TMEM114: variants seen among roughly 807,000 people sequenced by gnomAD.
The protein encoded by TMEM114 is transmembrane protein 114.
A neutral mutation model predicts 6.2 loss-of-function variants in TMEM114; 6 were observed. The ratio of observed to expected loss-of-function variants is 0.97; its 90% CI spans 0.53 to 1.91. The LOEUF is 1.91. TMEM114 is among the 40% of genes most tolerant of loss of function. The pLI, the probability that TMEM114 is intolerant of heterozygous loss-of-function variation, is 0.01. For missense variants in TMEM114, 218 were observed against 158.3 expected (o/e 1.38, Z -2.02); for synonymous variants, 104 against 73.0 (o/e 1.42, Z -2.16).
intron 2 of TMEM114, among the ~76,000 whole-genome samples, chr16:8,563,063 A>AAATTGAGTGAATGAGTAAGTGAATG (rs1555463660): frequency 9.8e-6 from 1 of 102,098 alleles, no homozygotes; most frequent in Non-Finnish European, 2.0e-5. Flanking sequence ...GTGAATGAGT[A>AAATTGAGTGAATGAGTAAGTGAATG]AGTGAATGAG....
intron 2 of TMEM114, among the ~76,000 whole-genome samples, chr16:8,585,681 G>A (rs1358504918): frequency 1.3e-5 from 2 of 152,036 alleles, no homozygotes; most frequent in Admixed American, 1.3e-4. Flanking sequence ...TACATGGTAT[G>A]AAGGGGCAGC....
intron 2 of TMEM114, among the ~76,000 whole-genome samples, chr16:8,555,761 C>T (rs1459508081): frequency 6.6e-6 from 1 of 152,160 alleles, no homozygotes; most frequent in African/African-American, 2.4e-5. Context: ...GTCATAATTG[C>T]AAAGGGGGGA....
chr16:8,568,216 C>G (rs533337272), downstream of TMEM114, among the ~76,000 whole-genome samples: 1 of 152,158 alleles, frequency 6.6e-6, no homozygotes, highest in Non-Finnish European at 1.5e-5. Flanking sequence ...TTTCATATGC[C>G]TCTCTCTCCT....
At chr16:8,574,631 G>A (rs555310386) in intron 2 of TMEM114, among the ~76,000 whole-genome samples, 1 of 128,342 alleles carries the variant, frequency 7.8e-6, no homozygotes, top group African/African-American at 2.9e-5. Flanking sequence ...TCTTGGGCAG[G>A]GAAGTACCAC....
chr16:8,557,127 G>A (rs149596820), intron 2 of TMEM114, among the ~76,000 whole-genome samples: 2 of 152,262 alleles, frequency 1.3e-5, no homozygotes, highest in East Asian at 3.9e-4. Flanking sequence ...CCATGCCCTT[G>A]TTAGAATATG....
chr16:8,582,324 A>G (rs2141697970), intron 2 of TMEM114, among the ~76,000 whole-genome samples: 1 of 151,566 alleles, frequency 6.6e-6, no homozygotes, highest in South Asian at 2.1e-4. Context: ...CTGAAGAAGC[A>G]TTTTCCACAC....
Position 8,581,926 on chromosome 16 carries a change from C to T in TMEM114, c.301+7287G>A, listed in dbSNP as rs186641980. Among the ~76,000 whole-genome samples, 8 of 152,326 alleles carry T rather than the reference C, an allele frequency of 5.3e-5. No homozygotes were observed. In the East Asian group the frequency reaches 1.2e-3, roughly 22 times the overall value. Reference sequence around the variant, plus strand: ...GCCTGCAGCACAGCTATGCATAAATCACACTGAGAGTTCCTCCCTCCTGGG... The same window carrying T: ...GCCTGCAGCACAGCTATGCATAAATTACACTGAGAGTTCCTCCCTCCTGGG... On this transcript the variant is annotated intron_variant, in intron 2 of 3. Transcript: ENST00000620492.
the TMEM114 span, chr16:8,532,120 A>G: frequency 6.6e-6 from 1 of 152,222 alleles, no homozygotes; most frequent in Non-Finnish European, 1.5e-5. Context: ...CGTAGGGTTC[A>G]GCTCCAACAC....
At position 8,547,684 on chromosome 16, in the gene TMEM114, C is replaced by G. The variant is rs1327519451; in HGVS notation, n.213-9858G>C. ...GGGATTACAGGCATGAGCCACCGCA[C>G]CCAGCCAGCACGCTCTCTTTACTGA... On this transcript the variant is annotated intron_variant and non_coding_transcript_variant, in intron 2 of 2. Coordinates refer to the TMEM114 transcript ENST00000623677. Among the ~76,000 whole-genome samples, 3 of 152,198 alleles carry G rather than the reference C, an allele frequency of 2.0e-5. No homozygotes were observed. In the East Asian group the frequency reaches 5.8e-4, roughly 29 times the overall value.
At chr16:8,546,418 C>A (rs1180076039) in intron 2 of TMEM114, among the ~76,000 whole-genome samples, 1 of 152,120 alleles carries the variant, frequency 6.6e-6, no homozygotes, top group Non-Finnish European at 1.5e-5. Context: ...CGACAGTAGC[C>A]AGACTCTATA....
chr16:8,543,722 A>G (rs1459023444), intron 2 of TMEM114, among the ~76,000 whole-genome samples: 1 of 152,120 alleles, frequency 6.6e-6, no homozygotes, highest in South Asian at 2.1e-4. Context: ...GCATGAACCC[A>G]CCTGTCTCTC....
chr16:8,529,727 C>G, the TMEM114 span, among the ~76,000 whole-genome samples: 76 of 147,576 alleles, frequency 5.1e-4, no homozygotes, highest in East Asian at 0.014. Flanking sequence ...TAAAAGAAAA[C>G]TTAAAAAAAA....
chr16:8,547,858 C>G (rs932255684), intron 2 of TMEM114, among the ~76,000 whole-genome samples: 3 of 152,142 alleles, frequency 2.0e-5, no homozygotes, highest in African/African-American at 4.8e-5. Context: ...AAGTTCACAG[C>G]TGAGAAACCC....
rs111348334 is a variant in TMEM114 at position 8,575,004 on chromosome 16, C to T, written c.302-2780G>A. On this transcript the variant is annotated intron_variant, in intron 2 of 3. Transcript: ENST00000620492. ...CTGTTCTACTTAGAAATGCTCCCAT[C>T]GCTAGCCACATCTCTGAATGCACTT... Among the ~76,000 whole-genome samples the T allele has an allele frequency of 4.8e-3, 728 of 152,270 alleles. 8 individuals are homozygous for T. Among genetic ancestry groups the T allele is most frequent in the African/African-American group, 0.017 (705 of 41,552 alleles).
At chr16:8,534,504 A>C (rs1398686563), downstream of TMEM114, among the ~76,000 whole-genome samples, 1 of 152,196 alleles carries the variant, frequency 6.6e-6, no homozygotes. Flanking sequence ...TCTCCAATGC[A>C]CCTACATCCG....
intron 2 of TMEM114, among the ~76,000 whole-genome samples, chr16:8,550,859 C>A (rs7190157): frequency 0.45 from 68,238 of 151,876 alleles, 16,035 homozygotes; most frequent in Middle Eastern, 0.57. Context: ...CTCGCTGAAC[C>A]CACAGGATAG....
chr16:8,538,539 G>A (rs995604201), intron 2 of TMEM114, among the ~76,000 whole-genome samples: 2 of 151,400 alleles, frequency 1.3e-5, no homozygotes, highest in Admixed American at 1.3e-4. Flanking sequence ...ACAGAGTCTT[G>A]CTCTGTCGCC....
the TMEM114 span, among the ~76,000 whole-genome samples, chr16:8,529,377 G>C: frequency 1.3e-5 from 2 of 152,202 alleles, no homozygotes; most frequent in African/African-American, 4.8e-5. Flanking sequence ...TAACCCATTA[G>C]TGGAAATGGC....
chr16:8,583,307 C>G (rs1035648555), intron 2 of TMEM114, among the ~76,000 whole-genome samples: 2 of 152,186 alleles, frequency 1.3e-5, no homozygotes, highest in African/African-American at 4.8e-5. Context: ...GCTTGAGGCT[C>G]AGGAAGGCAA....
Sources: gnomAD v4.1 joint callset for allele counts (sites outside exome capture counted in the v4.1 genomes callset) on GRCh38, gnomAD v4.1.1 for gene constraint, MANE v1.5 for transcripts, NCBI Gene and HGNC (gene_info 2026-07-23, HGNC 2026-07-21) for gene names.